Variants in RASGRF2 observed in about 807,000 individuals in gnomAD.
The protein encoded by RASGRF2 is ras-specific guanine nucleotide-releasing factor 2.
A neutral mutation model predicts 151.0 loss-of-function variants in RASGRF2; 76 were observed. The observed-to-expected ratio is 0.50, with a 90% confidence interval of 0.42 to 0.61. The LOEUF is 0.61. Among genes scored for constraint, RASGRF2 ranks in the 20% least tolerant of loss-of-function variants. The probability of loss-of-function intolerance (pLI) is 0.00; values close to 1 mark genes in which losing one functional copy is unlikely to be tolerated. For synonymous variants in RASGRF2, 504 were observed against 566.5 expected (o/e 0.89, Z 1.57); for missense variants, 1,148 against 1,564.6 (o/e 0.73, Z 4.49).
At chr5:81,024,422 G>T (rs570302335) in intron 1 of RASGRF2, among the ~76,000 whole-genome samples, 1 of 151,716 alleles carries the variant, frequency 6.6e-6, no homozygotes, top group African/African-American at 2.4e-5. Context: ...ACCACGCCAG[G>T]CTAATTTTTG....
At chr5:81,006,206 C>T (rs559821629) in intron 1 of RASGRF2, among the ~76,000 whole-genome samples, 12 of 152,178 alleles carry the variant, frequency 7.9e-5, no homozygotes, top group Admixed American at 5.2e-4. Flanking sequence ...TTTAATATTT[C>T]GGTGTATTTC....
Position 81,099,993 on chromosome 5 carries a change from C to T in RASGRF2, c.1755+5001C>T, listed in dbSNP as rs192994380. ...CATGATCTCGGCTCACTGCAAGCTC[C>T]GCCTCCCGGGTTCACGCCATTCTCC... On this transcript the variant is annotated intron_variant, in intron 12 of 26. Coordinates refer to ENST00000265080, the MANE Select transcript of RASGRF2 (RefSeq NM_006909.3). Among the ~76,000 whole-genome samples, 657 of 150,492 alleles carry T rather than the reference C, an allele frequency of 4.4e-3. 3 individuals are homozygous for T. The highest frequency in any genetic ancestry group is 0.015 in the African/African-American group (612 of 40,814).
At chr5:81,113,333 C>A in intron 14 of RASGRF2, 1 of 636,278 alleles carries the variant, frequency 1.6e-6, no homozygotes, top group Non-Finnish European at 2.7e-6. Context: ...AGTTTAGTAG[C>A]AAGGGATTAG....
chr5:80,992,348 G>T (rs376054777), intron 1 of RASGRF2, among the ~76,000 whole-genome samples: 1 of 152,106 alleles, frequency 6.6e-6, no homozygotes, highest in African/African-American at 2.4e-5. Flanking sequence ...CCACTCAGGG[G>T]CATCAGTGGC....
At position 81,086,907 on chromosome 5, in the gene RASGRF2, G is replaced by A; in HGVS notation, c.1344G>A (p.Glu448=). 6.2e-7 allele frequency: 1 copy of A among 1,614,194 alleles called. No homozygotes were observed. The highest frequency in any genetic ancestry group is 8.5e-7 in the Non-Finnish European group (1 of 1,180,024). The change falls in exon 9 of 27, where the codon GAG becomes GAA. Residue 448 remains glutamate (E), a synonymous_variant. Transcript: ENST00000265080. The stretch of plus-strand genomic sequence containing the variant: ...TTGCCATCGAAAGAATGATCGTGGA[G>A]GGCTGTGACATCTTGCTGGACACCA... ...KNLAIERMIV[E]GCDILLDTSQ... is the part of the protein sequence containing the mutation.
intron 26 of RASGRF2, among the ~76,000 whole-genome samples, chr5:81,225,393 A>G (rs1755950094): frequency 6.6e-6 from 1 of 152,212 alleles, no homozygotes; most frequent in South Asian, 2.1e-4. Context: ...CTGTAAGTAC[A>G]TGTAATCTCT....
intron 17 of RASGRF2, among the ~76,000 whole-genome samples, chr5:81,172,576 A>C (rs1439430557): frequency 6.6e-6 from 1 of 152,120 alleles, no homozygotes; most frequent in Non-Finnish European, 1.5e-5. Flanking sequence ...TAGAAAGGTA[A>C]AAACAGACAA....
At chr5:81,059,070 G>A (rs534333523) in intron 2 of RASGRF2, among the ~76,000 whole-genome samples, 92 of 151,992 alleles carry the variant, frequency 6.1e-4, no homozygotes, top group Non-Finnish European at 9.4e-4. Context: ...CATCAGAACA[G>A]CCAGTGGGAT....
At chr5:81,208,534 CTTTT>C (rs71000806) in intron 22 of RASGRF2, 96 bp downstream of exon 22, 117 of 251,534 alleles carry the variant, frequency 4.7e-4, no homozygotes, top group African/African-American at 8.5e-4. Flanking sequence ...CTGTCACCCA[CTTTT>C]TTTTTTTTTT....
chr5:81,109,528 T>C (rs928853284), intron 13 of RASGRF2, among the ~76,000 whole-genome samples: 6 of 152,166 alleles, frequency 3.9e-5, no homozygotes, highest in African/African-American at 1.4e-4. Context: ...TAGCCGGGCA[T>C]GATGGCGGAC....
chr5:81,049,452 T>A (rs989457367), intron 2 of RASGRF2, among the ~76,000 whole-genome samples: 5 of 152,262 alleles, frequency 3.3e-5, no homozygotes, highest in African/African-American at 9.6e-5. Flanking sequence ...ATCTCGAAAT[T>A]TTCATTCCTT....
intron 12 of RASGRF2, among the ~76,000 whole-genome samples, chr5:81,104,281 TAAA>T (rs1157134524): frequency 6.6e-6 from 1 of 152,004 alleles, no homozygotes; most frequent in Admixed American, 6.5e-5. Context: ...TATTTCATAA[TAAA>T]AAATAAAAAC....
At chr5:81,166,076 G>A (rs774932540) in intron 17 of RASGRF2, among the ~76,000 whole-genome samples, 3 of 152,164 alleles carry the variant, frequency 2.0e-5, no homozygotes, top group African/African-American at 4.8e-5. Flanking sequence ...ATGCAGTCAG[G>A]TGTATAGAAT....
intron 1 of RASGRF2, among the ~76,000 whole-genome samples, chr5:81,021,237 T>G (rs1236914552): frequency 6.6e-6 from 1 of 152,194 alleles, no homozygotes; most frequent in East Asian, 1.9e-4. Context: ...CAGATTTATC[T>G]TTTAGAAAGA....
At chr5:81,058,504 G>A (rs1039714077) in intron 2 of RASGRF2, among the ~76,000 whole-genome samples, 7 of 152,178 alleles carry the variant, frequency 4.6e-5, no homozygotes, top group Non-Finnish European at 1.0e-4. Context: ...TGCAGAGTTG[G>A]GGGGATACCC....
Position 81,060,221 on chromosome 5 carries a change from G to T in RASGRF2, c.396-7811G>T, listed in dbSNP as rs1378132750. 2.0e-5 allele frequency among the ~76,000 whole-genome samples: 3 copies of T among 152,146 alleles called. No homozygotes were observed. In the East Asian group the frequency reaches 5.8e-4, roughly 29 times the overall value. On this transcript the variant is annotated intron_variant, in intron 2 of 26. Transcript: ENST00000265080. ...GAGATTACATCTCAATGTGAGATTT[G>T]GGTGTGACACAGATCTAAACCATAC... is the stretch of plus-strand genomic sequence containing the variant.
intron 2 of RASGRF2, among the ~76,000 whole-genome samples, chr5:81,066,532 C>T (rs1478662344): frequency 2.0e-5 from 3 of 152,156 alleles, no homozygotes; most frequent in African/African-American, 7.2e-5. Flanking sequence ...GTTCCAGCGT[C>T]ATGAGGGCCT....
chr5:81,003,627 G>A (rs1293322926), intron 1 of RASGRF2, among the ~76,000 whole-genome samples: 1 of 152,192 alleles, frequency 6.6e-6, no homozygotes, highest in Non-Finnish European at 1.5e-5. Context: ...CTCCTAAAAT[G>A]CTGAGATTAC....
chr5:81,036,634 T>G (rs1362126826), intron 1 of RASGRF2, among the ~76,000 whole-genome samples: 1 of 152,174 alleles, frequency 6.6e-6, no homozygotes, highest in Non-Finnish European at 1.5e-5. Context: ...ACCAAATACT[T>G]AAGGACATTG....
Sources: gnomAD v4.1 joint callset for allele counts (sites outside exome capture counted in the v4.1 genomes callset) on GRCh38, gnomAD v4.1.1 for gene constraint, MANE v1.5 for transcripts, NCBI Gene and HGNC (gene_info 2026-07-23, HGNC 2026-07-21) for gene names.